The following CDH16 variants were observed in gnomAD, a reference collection of about 807,000 sequenced individuals.
CDH16 encodes cadherin 16.
Under a neutral mutation model 87.6 loss-of-function variants are expected in CDH16, and 79 were observed. The observed-to-expected ratio is 0.90, with a 90% CI of 0.75 to 1.09. The LOEUF (loss-of-function observed/expected upper bound fraction) is 1.09, where lower values mean the gene tolerates loss of function less well. Ranked by LOEUF, CDH16 falls within the 50% of genes least tolerant of loss-of-function variation. CDH16 has a pLI of 0.00. For synonymous variants in CDH16, 457 were observed against 439.5 expected (o/e 1.04, Z -0.50); for missense variants, 1,124 against 1,071.7 (o/e 1.05, Z -0.68).
In CDH16 at chr16:66,909,325, C is replaced by T; in HGVS notation, c.2334G>A (p.Lys778=). The T allele has an allele frequency of 2.5e-6, 4 of 1,607,672 alleles. No homozygotes were observed. Among genetic ancestry groups the T allele is most frequent in the Non-Finnish European group, 3.4e-6 (4 of 1,175,922 alleles). The change falls in exon 17 of 18, where the codon AAG becomes AAA. Residue 778 remains lysine (K), a synonymous_variant. Transcript: ENST00000299752. The surrounding 1 kb of genome is among the most constrained non-coding windows in gnomAD (Gnocchi z 4.1). ...GQCMRKVGRM[K]GMPTKLSAVG... ...CTGCCGACAGCTTCGTGGGCATGCC[C>T]TTCATGCGGCCCACCTTGCGCATGC...
rs764061124 is a variant in CDH16 at position 66,908,388 on chromosome 16, C to A, written c.*4G>T. 6.8e-6 allele frequency: 11 copies of A among 1,613,148 alleles called. No individual in the cohort carries two copies. The highest frequency in any genetic ancestry group is 8.5e-6 in the Non-Finnish European group (10 of 1,179,490). On this transcript the variant is annotated 3_prime_UTR_variant, in exon 18 of 18. Transcript: ENST00000299752. ...AAGCTCCCAGCTAGAGCTGCCTGGG[C>A]CATTCAGACAGTCGCCTTCAGGGGC...
chr16:66,915,566 A>G (rs1962642531), intron 5 of CDH16, among the ~76,000 whole-genome samples, 188 bp from the exon 6 acceptor site: 1 of 152,170 alleles, frequency 6.6e-6, no homozygotes, highest in South Asian at 2.1e-4. Flanking sequence ...TGGCACCCTC[A>G]GTGGAGTAGG....
intron 8 of CDH16, 62 bp from the exon 9 acceptor site, chr16:66,913,343 C>T (rs1962521129): frequency 6.4e-7 from 1 of 1,551,704 alleles, no homozygotes; most frequent in African/African-American, 1.4e-5. Context: ...TTGCCTGGCT[C>T]TGAGTTTCCT....
chr16:66,910,608 C>T (rs1962370132), intron 14 of CDH16, 106 bp from the exon 15 acceptor site: 5 of 1,169,206 alleles, frequency 4.3e-6, no homozygotes, highest in East Asian at 2.7e-5. Flanking sequence ...TTATAGACTC[C>T]CCTGCCATGC....
chr16:66,916,248 C>A lies in CDH16; in HGVS notation c.285+26G>T. On this transcript the variant is annotated intron_variant, in intron 4 of 17. Coordinates refer to ENST00000299752, the MANE Select transcript of CDH16 (RefSeq NM_004062.4). The surrounding 1 kb of genome is among the most constrained non-coding windows in gnomAD (Gnocchi z 4.1). The stretch of plus-strand genomic sequence containing the variant: ...AGCGTCTGGCTCTGCCTTGCCTGCT[C>A]TCCCCTACACCTGGCCCAGCCATAC... The A allele has an allele frequency of 6.2e-7, 1 of 1,614,076 alleles. No individual in the cohort carries two copies. The highest frequency in any genetic ancestry group is 8.5e-7 in the Non-Finnish European group (1 of 1,179,922).
In CDH16 at chr16:66,913,290, G is replaced by C. The variant is rs565269145; in HGVS notation, c.904-9C>G. 1.9e-6 allele frequency: 3 copies of C among 1,545,282 alleles called. No homozygotes were observed. The highest frequency in any genetic ancestry group is 2.6e-6 in the Non-Finnish European group (3 of 1,145,424). On this transcript the variant is annotated splice_polypyrimidine_tract_variant and intron_variant, in intron 8 of 17. Coordinates refer to ENST00000299752, the MANE Select transcript of CDH16 (RefSeq NM_004062.4). ...CGCACCTGGAGCAGGTACTGCGGTG[G>C]GCAGTAGGGGGCTTCAGGTCAGGAC...
rs541086142 is a variant in CDH16, at chr16:66,918,087, C to T, written c.-13-9G>A. On this transcript the variant is annotated splice_polypyrimidine_tract_variant and intron_variant, in intron 1 of 17. Transcript: ENST00000299752. ...CCATGGTCAGGACAGGCCTGAGGGA[C>T]ACGGCAGTGAGGATCCAGCCCAGGT... The T allele has an allele frequency of 5.4e-4, 840 of 1,561,742 alleles. 15 individuals are homozygous for T. In the South Asian group the frequency reaches 9.7e-3, roughly 18 times the overall value.
In CDH16 at chr16:66,916,345, C is replaced by A. The variant is rs1784548116; in HGVS notation, c.214G>T (p.Asp72Tyr). The A allele has an allele frequency of 6.2e-7, 1 of 1,614,150 alleles. No individual in the cohort carries two copies. Among genetic ancestry groups the A allele is most frequent in the Middle Eastern group, 1.6e-4 (1 of 6,062 alleles). The change falls in exon 4 of 18, where the codon GAT (aspartate) becomes TAT (tyrosine). Residue 72 changes from aspartate (D) to tyrosine (Y), a missense_variant. Coordinates refer to ENST00000299752, the MANE Select transcript of CDH16 (RefSeq NM_004062.4). The surrounding 1 kb of genome is among the most constrained non-coding windows in gnomAD (Gnocchi z 4.1). ...ACCAGCAGGAAGCCAGAATCTGGAT[C>A]CATAGCAAATGGGCCCTCAGTTGCC... Reference protein sequence around the residue: ...GKATEGPFAMDPDSGFLLVTR... With the variant: ...GKATEGPFAMYPDSGFLLVTR...
At position 66,912,094 on chromosome 16, in the gene CDH16, A is replaced by G. The variant is rs1310391165; in HGVS notation, c.1595T>C (p.Val532Ala). The G allele has an allele frequency of 6.2e-7, 1 of 1,613,284 alleles. No individual in the cohort carries two copies. Among genetic ancestry groups the G allele is most frequent in the Non-Finnish European group, 8.5e-7 (1 of 1,179,622 alleles). Residue 532 changes from valine (V) to alanine (A), a missense_variant, in exon 13 of 18, where the codon GTG becomes GCG. Physicochemically the swap from Val to Ala is moderately conservative, Grantham distance 64. Coordinates refer to ENST00000299752, the MANE Select transcript of CDH16 (RefSeq NM_004062.4). ...AAPSHEVVVVVQSVAKLVGPG... is the reference protein window; with the variant it reads ...AAPSHEVVVVAQSVAKLVGPG... The stretch of plus-strand genomic sequence containing the variant: ...CCCCACCAGCTTCGCCACACTCTGC[A>G]CCACCACCACCACCTCATGACTTGG...
At chr16:66,917,754 G>A (rs766061864) in intron 2 of CDH16, 29 bp from the exon 3 acceptor site, 101 of 1,573,204 alleles carry the variant, frequency 6.4e-5, no homozygotes, top group Non-Finnish European at 8.5e-5. Context: ...CTTGTCACCA[G>A]GCTCTATCTT....
In CDH16 at chr16:66,918,866, C is replaced by T. The variant is rs1402445503; in HGVS notation, c.-76G>A. On this transcript the variant is annotated 5_prime_UTR_variant, in exon 1 of 18. Transcript: ENST00000299752. ...CCAAGCAAGAAGAGAGCTCCTTCTC[C>T]AGGGGGCTCTGGCCAGGCTGGGCTG... The T allele has an allele frequency of 6.6e-6, 1 of 152,536 alleles. No individual in the cohort carries two copies. Among genetic ancestry groups the T allele is most frequent in the Admixed American group, 6.5e-5 (1 of 15,286 alleles). 9.4% of individuals were successfully genotyped at this position (152,536 alleles called of 1,614,324 possible).
In CDH16 at chr16:66,915,520, T is replaced by C. The variant is rs1340692199; in HGVS notation, c.425-142A>G. 13 of 897,796 alleles carry C rather than the reference T, an allele frequency of 1.4e-5. No individual in the cohort carries two copies. In the South Asian group the frequency reaches 1.5e-4, roughly 10 times the overall value. The allele number at this position is 897,796 out of a possible 1,614,324, so 55.6% of individuals were successfully genotyped here. A position where few individuals can be genotyped will look rare whatever the true frequency, so the allele number is the denominator to read the frequency against. On this transcript the variant is annotated intron_variant, in intron 5 of 17. Coordinates refer to ENST00000299752, the MANE Select transcript of CDH16 (RefSeq NM_004062.4). The stretch of plus-strand genomic sequence containing the variant: ...GGAGATGAGCCACGGCTTTTCGTCC[T>C]ACTTCCCAGATGAGCAAACTGAAGC...
At chr16:66,917,022 A>T (rs1026182474) in intron 3 of CDH16, among the ~76,000 whole-genome samples, 2 of 152,038 alleles carry the variant, frequency 1.3e-5, no homozygotes, top group African/African-American at 4.8e-5. Context: ...CGCAAATCCC[A>T]AAGTGGTAAT....
In CDH16 at chr16:66,910,366, A is replaced by G; in HGVS notation, c.2061T>C (p.Ser687=). The change falls in exon 15 of 18, where the codon AGT becomes AGC. Residue 687 remains serine (S), a synonymous_variant. Transcript: ENST00000299752. ...TPRQDHGLIV[S]GPSKDPDLAS... ...CCAGATCGGGGTCCTTGCTGGGTCC[A>G]CTCACGATCAAGCCATGGTCTTGGC... The G allele has an allele frequency of 6.2e-7, 1 of 1,613,674 alleles. No individual in the cohort carries two copies. Among genetic ancestry groups the G allele is most frequent in the Non-Finnish European group, 8.5e-7 (1 of 1,179,820 alleles).
At position 66,912,003 on chromosome 16, in the gene CDH16, G is replaced by T. The variant is rs201746927; in HGVS notation, c.1686C>A (p.Pro562=). ...TVLVERVMPP[P]KLDQESYEAS... The stretch of plus-strand genomic sequence containing the variant: ...CCTCGTAGCTCTCCTGGTCCAACTT[G>T]GGGGGTGGCATCACTCTCTCCACTA... Residue 562 remains proline (P), a synonymous_variant, in exon 13 of 18, where the codon CCC becomes CCA. Transcript: ENST00000299752. 5.0e-6 allele frequency: 8 copies of T among 1,613,988 alleles called. No homozygotes were observed. In the African/African-American group the frequency reaches 9.3e-5, roughly 19 times the overall value.
At chr16:66,913,925 A>G (rs554478098) in intron 7 of CDH16, among the ~76,000 whole-genome samples, 1 of 152,286 alleles carries the variant, frequency 6.6e-6, no homozygotes, top group East Asian at 1.9e-4. Context: ...CGGGGTGACA[A>G]TCCCCATGGC....
chr16:66,908,322 G>T lies in CDH16; in HGVS notation c.*70C>A. ...TCCTGTCCCCTGCTGGATCTTGGGT[G>T]CTGGGCTCTCTCCCAGGGGACTCAG... is the stretch of plus-strand genomic sequence containing the variant. On this transcript the variant is annotated 3_prime_UTR_variant, in exon 18 of 18. Transcript: ENST00000299752. 1 of 1,259,828 alleles carries T rather than the reference G, an allele frequency of 7.9e-7. No individual in the cohort carries two copies. The highest frequency in any genetic ancestry group is 1.2e-6 in the Non-Finnish European group (1 of 864,688). 78.0% of individuals were successfully genotyped at this position (1,259,828 alleles called of 1,614,324 possible).
chr16:66,912,203 G>A, intron 12 of CDH16, 39 bp downstream of exon 12: 1 of 1,599,692 alleles, frequency 6.3e-7, no homozygotes, highest in Non-Finnish European at 8.5e-7. Flanking sequence ...ATGCATGCGT[G>A]CATGTGTGGG....
At chr16:66,917,930 G>A (rs751193407) in intron 2 of CDH16, 91 bp downstream of exon 2, 18 of 1,200,450 alleles carry the variant, frequency 1.5e-5, no homozygotes, top group Middle Eastern at 4.4e-4. Flanking sequence ...CCGTTCTCAC[G>A]GTCAGTGCAA....
Sources: allele counts gnomAD v4.1 joint callset (sites outside exome capture counted in the v4.1 genomes callset), GRCh38; gene constraint gnomAD v4.1.1; non-coding constraint Gnocchi (gnomAD v3.1); transcripts MANE v1.5; gene names NCBI Gene and HGNC (gene_info 2026-07-23, HGNC 2026-07-21).